Variants in GPC3 observed in about 807,000 individuals in gnomAD.
GPC3 encodes the protein glypican 3.
GPC3 carries 3 observed loss-of-function variants against 34.4 expected under a neutral mutation model. The ratio of observed to expected loss-of-function variants is 0.09; its 90% CI spans 0.04 to 0.23. The LOEUF (loss-of-function observed/expected upper bound fraction) is 0.23. Among genes scored for constraint, GPC3 ranks in the 10% least tolerant of loss-of-function variants. GPC3 has a pLI of 1.00. For missense variants in GPC3, 351 were observed against 445.6 expected, an observed-to-expected ratio of 0.79 and a Z score of 1.91; for synonymous variants, 177 against 174.0, an observed-to-expected ratio of 1.02 and a Z score of -0.13.
In GPC3 at chrX:133,794,740, G is replaced by C. The variant is rs970030133; in HGVS notation, c.338-40564C>G. Among the ~76,000 whole-genome samples, 4 of 112,029 alleles carry C rather than the reference G, an allele frequency of 3.6e-5. No homozygotes were observed. The East Asian group carries it at 1.1e-3, about 31-fold the overall frequency. ...TAAATGCACTTCCTTATGGTAACAG[G>C]TTGGCTACTAAGTGGCTGAAGATGT... On this transcript the variant is annotated intron_variant, in intron 2 of 7. Transcript: ENST00000370818.
chrX:133,656,613 T>C (rs1296558369), intron 6 of GPC3, among the ~76,000 whole-genome samples: 1 of 112,330 alleles, frequency 8.9e-6, no homozygotes, highest in Non-Finnish European at 1.9e-5. Flanking sequence ...TGGAATCACA[T>C]GGTTAACATG....
intron 6 of GPC3, among the ~76,000 whole-genome samples, chrX:133,612,603 A>C (rs1222593303): frequency 2.7e-5 from 3 of 110,738 alleles, no homozygotes; most frequent in Non-Finnish European, 3.8e-5. Flanking sequence ...CTGCCTATTC[A>C]CTCATCTAAC....
At chrX:133,898,931 G>C (rs1215681549) in intron 2 of GPC3, among the ~76,000 whole-genome samples, 1 of 111,893 alleles carries the variant, frequency 8.9e-6, no homozygotes, top group Non-Finnish European at 1.9e-5. Flanking sequence ...CATCCCTGAA[G>C]TCCACAGCAG....
In GPC3 at chrX:133,803,840, A is replaced by G. The variant is rs184220078; in HGVS notation, c.338-49664T>C. Among the ~76,000 whole-genome samples the G allele has an allele frequency of 4.2e-4, 47 of 111,810 alleles. No individual in the cohort carries two copies. In the East Asian group the frequency reaches 0.012, roughly 28 times the overall value. On this transcript the variant is annotated intron_variant, in intron 2 of 7. Transcript: ENST00000370818. ...TAACTGCAGGGTTCTATTTCAGTGT[A>G]GAAGCCACTAATAGCTGCTAAGTAT... is the stretch of plus-strand genomic sequence containing the variant.
rs914571624 is a variant in GPC3 at position 133,852,815 on chromosome X, C to G, written c.338-98639G>C. On this transcript the variant is annotated intron_variant, in intron 2 of 7. Transcript: ENST00000370818. ...TACTGCTGTTCTCTTTCATTAGTAC[C>G]ATTACCACCTATAACTTCTACTTGA... Among the ~76,000 whole-genome samples, 4 of 110,004 alleles carry G rather than the reference C, an allele frequency of 3.6e-5. No homozygotes were observed. In the East Asian group the frequency reaches 1.1e-3, roughly 31 times the overall value.
intron 1 of GPC3, among the ~76,000 whole-genome samples, chrX:133,963,206 G>A (rs898520286): frequency 1.8e-5 from 2 of 112,096 alleles, no homozygotes. Flanking sequence ...ATAACCACAT[G>A]TCCTTTTACA....
At chrX:133,756,484 C>T (rs1286088596) in intron 2 of GPC3, among the ~76,000 whole-genome samples, 3 of 112,082 alleles carry the variant, frequency 2.7e-5, no homozygotes, top group African/African-American at 9.7e-5. Context: ...GGATATGCCA[C>T]TCCTGTAGAT....
At chrX:133,931,246 T>C (rs2076297212) in intron 2 of GPC3, among the ~76,000 whole-genome samples, 1 of 112,014 alleles carries the variant, frequency 8.9e-6, no homozygotes, top group Non-Finnish European at 1.9e-5. Context: ...ACTAGAGATA[T>C]ACAAGGTATT....
intron 6 of GPC3, among the ~76,000 whole-genome samples, chrX:133,656,697 A>G (rs1419128253): frequency 9.0e-6 from 1 of 111,383 alleles, no homozygotes; most frequent in African/African-American, 3.3e-5. Context: ...CTGTTTCTAT[A>G]GTTTAATGTT....
intron 1 of GPC3, among the ~76,000 whole-genome samples, chrX:133,956,955 A>T (rs945815944): frequency 8.9e-6 from 1 of 111,877 alleles, no homozygotes; most frequent in Non-Finnish European, 1.9e-5. Context: ...GCTTGCATAC[A>T]GTATGTCCCT....
At chrX:133,947,142 G>C (rs763548240) in intron 2 of GPC3, among the ~76,000 whole-genome samples, 1 of 111,687 alleles carries the variant, frequency 9.0e-6, no homozygotes, top group African/African-American at 3.3e-5. Flanking sequence ...GGGAGGTGGA[G>C]AGTAAGCACT....
chrX:133,712,509 C>T lies in GPC3; in HGVS notation c.1033-12481G>A, dbSNP rs150454948. Among the ~76,000 whole-genome samples, 591 of 111,202 alleles carry T rather than the reference C, an allele frequency of 5.3e-3. 3 individuals carry two copies. Among genetic ancestry groups the T allele is most frequent in the African/African-American group, 0.018 (545 of 30,606 alleles). On this transcript the variant is annotated intron_variant, in intron 3 of 7. Coordinates refer to ENST00000370818, the MANE Select transcript of GPC3 (RefSeq NM_004484.4). ...GGCTTTTCCAAATAGAAACGAAAAA[C>T]GCACTGAAACATACTGTAGGGTAAG...
chrX:133,949,845 C>T (rs1202120674), intron 2 of GPC3, among the ~76,000 whole-genome samples: 4 of 111,906 alleles, frequency 3.6e-5, no homozygotes, highest in Non-Finnish European at 3.8e-5. Context: ...TTTGTTTTAC[C>T]TCAAGGACAT....
chrX:133,742,111 G>C (rs1398457766), intron 3 of GPC3, among the ~76,000 whole-genome samples: 1 of 112,338 alleles, frequency 8.9e-6, no homozygotes, highest in Non-Finnish European at 1.9e-5. Context: ...GCAGAAATGG[G>C]CTTCCTGTGA....
chrX:133,653,417 T>TGGAAGGA (rs1386643982), intron 6 of GPC3, among the ~76,000 whole-genome samples: 1 of 111,741 alleles, frequency 8.9e-6, no homozygotes, highest in Non-Finnish European at 1.9e-5. Flanking sequence ...TTTGTCATTC[T>TGGAAGGA]GGAAGGAGGA....
At chrX:133,603,815 T>C (rs1373099558) in intron 6 of GPC3, among the ~76,000 whole-genome samples, 2 of 111,746 alleles carry the variant, frequency 1.8e-5, no homozygotes, top group African/African-American at 6.5e-5. Flanking sequence ...ATAACCAATA[T>C]AACAAAAGGG....
At chrX:133,715,544 C>T (rs2071305346) in intron 3 of GPC3, among the ~76,000 whole-genome samples, 2 of 111,422 alleles carry the variant, frequency 1.8e-5, no homozygotes, top group Non-Finnish European at 3.8e-5. Flanking sequence ...ATTATTTGAC[C>T]TGTCTGATGG....
rs1212840507 is a variant in GPC3 at position 133,905,526 on chromosome X, G to A, written c.337+47524C>T. 5.4e-5 allele frequency among the ~76,000 whole-genome samples: 6 copies of A among 111,728 alleles called. No homozygotes were observed. The South Asian group carries it at 1.1e-3, about 21-fold the overall frequency. ...CCCCCGTTTAAGAATACCCATCCCC[G>A]GGAGATCACACCTTCAGGTTATCAT... On this transcript the variant is annotated intron_variant, in intron 2 of 7. Transcript: ENST00000370818.
chrX:133,713,341 A>T (rs2071287742), intron 3 of GPC3, among the ~76,000 whole-genome samples: 1 of 112,376 alleles, frequency 8.9e-6, no homozygotes, highest in African/African-American at 3.2e-5. Flanking sequence ...CAGGGTAGTG[A>T]CACCAAACTG....
Sources: allele counts gnomAD v4.1 joint callset (sites outside exome capture counted in the v4.1 genomes callset), GRCh38; gene constraint gnomAD v4.1.1; transcripts MANE v1.5; gene names NCBI Gene and HGNC (gene_info 2026-07-23, HGNC 2026-07-21).